CHID1: variants seen among roughly 807,000 people sequenced by gnomAD.
CHID1 encodes chitinase domain containing 1.
Under a neutral mutation model 55.4 loss-of-function variants are expected in CHID1, and 44 were observed. The observed-to-expected ratio is 0.79, with a 90% confidence interval of 0.62 to 1.02. The LOEUF is 1.02. Ranked by LOEUF, CHID1 falls within the 50% of genes least tolerant of loss-of-function variation. The pLI, the probability that CHID1 is intolerant of heterozygous loss-of-function variation, is 0.00. For synonymous variants in CHID1, 216 were observed against 212.9 expected (o/e 1.01, Z -0.13); for missense variants, 491 against 515.3 (o/e 0.95, Z 0.46).
chr11:907,404 C>T (rs1186184752), intron 1 of CHID1, among the ~76,000 whole-genome samples: 1 of 151,964 alleles, frequency 6.6e-6, no homozygotes, highest in Non-Finnish European at 1.5e-5. Flanking sequence ...TGGTGTGAAT[C>T]CAGGAGGTGG....
chr11:888,790 T>C (rs1039400343), intron 8 of CHID1, among the ~76,000 whole-genome samples: 1 of 151,770 alleles, frequency 6.6e-6, no homozygotes, highest in East Asian at 1.9e-4. Flanking sequence ...CCAACGCCAG[T>C]GCCTGCCCAC....
rs1490599776 is a variant in CHID1 at position 903,098 on chromosome 11, T to C, written c.125A>G (p.Asp42Gly). The C allele has an allele frequency of 6.2e-7, 1 of 1,611,104 alleles. No individual in the cohort carries two copies. The highest frequency in any genetic ancestry group is 1.1e-5 in the South Asian group (1 of 91,086). ...KTLLEKSQFS[D>G]KPVQDRGLVV... is the part of the protein sequence containing the mutation. ...CAAACCCCGGTCTTGCACCGGCTTA[T>C]CTGAAAACTGACTCTGAAATAAAAG... is the stretch of plus-strand genomic sequence containing the variant. Residue 42 changes from aspartate (D) to glycine (G), a missense_variant, in exon 3 of 13, where the codon GAT (aspartate) becomes GGT (glycine). Transcript: ENST00000323578.
At chr11:882,861 G>T in intron 10 of CHID1, 1 of 373,052 alleles carries the variant, frequency 2.7e-6, no homozygotes, top group Non-Finnish European at 4.9e-6. Context: ...CGGCCTGTAT[G>T]CTGTGGGGCA....
chr11:898,923 C>T (rs1206598895), intron 7 of CHID1, among the ~76,000 whole-genome samples: 20 of 152,184 alleles, frequency 1.3e-4, no homozygotes, highest in African/African-American at 2.4e-5. Flanking sequence ...GGGTCCTGGC[C>T]GTGCTCAGGG....
intron 8 of CHID1, among the ~76,000 whole-genome samples, chr11:891,438 T>C (rs117916461): frequency 0.011 from 1,688 of 152,322 alleles, 21 homozygotes; most frequent in South Asian, 0.042. Flanking sequence ...GGCAGGGACC[T>C]GGCCCAGCTC....
At chr11:899,058 C>T (rs940407697) in intron 7 of CHID1, among the ~76,000 whole-genome samples, 8 of 152,252 alleles carry the variant, frequency 5.3e-5, no homozygotes, top group African/African-American at 1.9e-4. Context: ...TCCTCGAGTT[C>T]CTCTGACCGC....
upstream of CHID1, among the ~76,000 whole-genome samples, chr11:912,301 T>G (rs781137379): frequency 2.0e-5 from 3 of 152,084 alleles, no homozygotes; most frequent in Non-Finnish European, 2.9e-5. Flanking sequence ...GGTGATAAAG[T>G]AAGACTCGGT....
At chr11:893,554 G>A (rs1303237958) in intron 7 of CHID1, 35 bp from the exon 8 acceptor site, 1 of 1,483,318 alleles carries the variant, frequency 6.7e-7, no homozygotes, top group Non-Finnish European at 9.2e-7. Flanking sequence ...AGCAGTGCCT[G>A]GCACTGAGGC....
intron 9 of CHID1, 57 bp downstream of exon 9, chr11:884,011 C>G (rs1352211364): frequency 7.3e-7 from 1 of 1,361,284 alleles, no homozygotes; most frequent in Non-Finnish European, 1.1e-6. Context: ...CAGGTCCACA[C>G]TCACTGCTGC....
intron 1 of CHID1, among the ~76,000 whole-genome samples, chr11:909,267 A>G (rs1852459421): frequency 6.6e-6 from 1 of 152,118 alleles, no homozygotes; most frequent in African/African-American, 2.4e-5. Flanking sequence ...GTTCACACAC[A>G]CTGTGTTCCT....
chr11:901,041 T>C, intron 4 of CHID1, 61 bp from the exon 5 acceptor site: 1 of 1,493,160 alleles, frequency 6.7e-7, no homozygotes, highest in Non-Finnish European at 9.1e-7. Context: ...AGACCCAGCC[T>C]ACCTGAGGAG....
intron 4 of CHID1, 116 bp downstream of exon 4, chr11:902,082 T>C (rs1170631389): frequency 4.3e-6 from 5 of 1,161,560 alleles, no homozygotes; most frequent in Non-Finnish European, 6.2e-6. Context: ...ACACACACAC[T>C]CCCATACAGA....
chr11:883,043 A>G lies in CHID1; in HGVS notation c.959+105T>C, dbSNP rs550462041. The G allele has an allele frequency of 2.9e-5, 36 of 1,244,322 alleles. No homozygotes were observed. In the African/African-American group the frequency reaches 5.2e-4, roughly 18 times the overall value. The allele number at this position is 1,244,322 out of a possible 1,614,324, so 77.1% of individuals were successfully genotyped here. ...CCCTATCTCTGACTCTGTGGGGCAG[A>G]AGCCCCAGGGGACCGAGACCCTCCC... On this transcript the variant is annotated intron_variant, in intron 10 of 12. Transcript: ENST00000323578.
upstream of CHID1, chr11:910,829 C>T (rs1488485568): frequency 2.7e-6 from 3 of 1,097,426 alleles, no homozygotes; most frequent in South Asian, 4.0e-5. Context: ...AACGCTCCAG[C>T]GCGCCGGAAG....
Position 879,093 on chromosome 11 carries a change from A to G in CHID1, c.959+4055T>C, listed in dbSNP as rs1026927170. On this transcript the variant is annotated intron_variant, in intron 10 of 12. Transcript: ENST00000323578. The stretch of plus-strand genomic sequence containing the variant: ...TATCTCCTGACCTTGTGATCCGCCC[A>G]CCTCGGCCTCCCAAAGTGCTGGGAT... Among the ~76,000 whole-genome samples the G allele has an allele frequency of 5.9e-5, 9 of 152,088 alleles. No homozygotes were observed. The East Asian group carries it at 9.6e-4, about 16-fold the overall frequency.
At position 900,070 on chromosome 11, in the gene CHID1, G is replaced by A. The variant is rs1349256620; in HGVS notation, c.480C>T (p.Phe160=). The A allele has an allele frequency of 1.2e-6, 2 of 1,614,062 alleles. No homozygotes were observed. Among genetic ancestry groups the A allele is most frequent in the Admixed American group, 3.3e-5 (2 of 60,020 alleles). ...CATCCTCACTGTCTAAGACGTTCCG[G>A]AAATCATCGTAAGTCCAGTCCTCAA... is the stretch of plus-strand genomic sequence containing the variant. ...LLFEDWTYDD[F]RNVLDSEDEI... Residue 160 remains phenylalanine, a synonymous_variant, in exon 6 of 13, where the codon TTC becomes TTT. Coordinates refer to ENST00000323578, the MANE Select transcript of CHID1 (RefSeq NM_023947.4).
At chr11:914,721 C>CAAA (rs367978475), upstream of CHID1, 9 of 283,576 alleles carry the variant, frequency 3.2e-5, no homozygotes, top group Admixed American at 5.3e-5. Context: ...GACCCTGTCT[C>CAAA]AAAAAAAAAA....
In CHID1 at chr11:900,943, C is replaced by T. The variant is rs1022631625; in HGVS notation, c.432G>A (p.Leu144=). Residue 144 remains leucine, a synonymous_variant, in exon 5 of 13, where the codon CTG becomes CTA. Transcript: ENST00000323578. ...MRAVRKHAKG[L]HIVPRLLFED... ...CTGGCCTGCCGCACTTACCTATGTG[C>T]AGGCCCTTGGCATGCTTCCTGACAG... 3 of 1,603,024 alleles carry T rather than the reference C, an allele frequency of 1.9e-6. No homozygotes were observed. The highest frequency in any genetic ancestry group is 2.6e-6 in the Non-Finnish European group (3 of 1,175,470).
chr11:886,280 C>T (rs1850389949), intron 8 of CHID1, among the ~76,000 whole-genome samples: 2 of 151,068 alleles, frequency 1.3e-5, no homozygotes, highest in Non-Finnish European at 2.9e-5. Context: ...GGGAACACAG[C>T]AAGACTCTGT....
Sources: gnomAD v4.1 joint callset for allele counts (sites outside exome capture counted in the v4.1 genomes callset) on GRCh38, gnomAD v4.1.1 for gene constraint, MANE v1.5 for transcripts, NCBI Gene and HGNC (gene_info 2026-07-23, HGNC 2026-07-21) for gene names.